The following TVP23C variants were observed in gnomAD, a reference collection of about 807,000 sequenced individuals.
TVP23C encodes Golgi apparatus membrane protein TVP23 homolog C.
TVP23C carries 19 observed loss-of-function variants against 28.7 expected under a neutral mutation model. The observed-to-expected ratio is 0.66, with a 90% CI of 0.46 to 0.97. The LOEUF (loss-of-function observed/expected upper bound fraction) is 0.97, where lower values mean the gene tolerates loss of function less well. TVP23C is among the 50% of genes least tolerant of loss of function. TVP23C has a pLI of 0.00. For missense variants in TVP23C, 186 were observed against 241.3 expected (o/e 0.77, Z 1.52); for synonymous variants, 68 against 81.7 (o/e 0.83, Z 0.90).
In TVP23C at chr17:15,525,098, A is replaced by G. The variant is rs1191359112; in HGVS notation, c.462+20687T>C. Among the ~76,000 whole-genome samples, 3 of 152,386 alleles carry G rather than the reference A, an allele frequency of 2.0e-5. No homozygotes were observed. In the East Asian group the frequency reaches 5.8e-4, roughly 29 times the overall value. ...GGAGCCCCAGAGAAAGTAATGTGTG[A>G]GTTGAACACACTGGAAATCTGTACC... On this transcript the variant is annotated intron_variant, in intron 5 of 5. Transcript: ENST00000225576.
chr17:15,535,609 A>T, downstream of TVP23C, among the ~76,000 whole-genome samples: 1 of 152,210 alleles, frequency 6.6e-6, no homozygotes, highest in Non-Finnish European at 1.5e-5. Flanking sequence ...CTAGGAGTGG[A>T]ATTTTACGTA....
intron 5 of TVP23C, among the ~76,000 whole-genome samples, chr17:15,542,429 G>T (rs897980736): frequency 7.9e-5 from 12 of 152,060 alleles, no homozygotes; most frequent in Middle Eastern, 3.2e-3. Flanking sequence ...GCCCATTCCC[G>T]TCCTGTGGTC....
At chr17:15,559,023 G>A (rs1270623105) in intron 1 of TVP23C, among the ~76,000 whole-genome samples, 1 of 123,630 alleles carries the variant, frequency 8.1e-6, no homozygotes, top group Non-Finnish European at 1.9e-5. Context: ...ATAGGGTCTC[G>A]TTATGTTGCC....
At chr17:15,524,578 G>A (rs191754104) in intron 5 of TVP23C, among the ~76,000 whole-genome samples, 3 of 152,174 alleles carry the variant, frequency 2.0e-5, no homozygotes, top group Admixed American at 2.0e-4. Context: ...TGAGGAAGGA[G>A]ATATGAAATC....
At chr17:15,543,382 A>G (rs1983505067) in intron 5 of TVP23C, among the ~76,000 whole-genome samples, 1 of 151,492 alleles carries the variant, frequency 6.6e-6, no homozygotes, top group African/African-American at 2.4e-5. Flanking sequence ...GCATTTATGC[A>G]AAACTATAGC....
chr17:15,525,811 G>C (rs535011525), intron 5 of TVP23C, among the ~76,000 whole-genome samples: 1 of 152,164 alleles, frequency 6.6e-6, no homozygotes, highest in Non-Finnish European at 1.5e-5. Context: ...GTAAGCCTAA[G>C]GCAGACTGTC....
At chr17:15,519,807 C>T (rs950140145) in intron 5 of TVP23C, among the ~76,000 whole-genome samples, 9 of 152,120 alleles carry the variant, frequency 5.9e-5, no homozygotes, top group African/African-American at 2.2e-4. Context: ...GAGGCTGAGG[C>T]AGGAGAATGG....
In TVP23C at chr17:15,525,723, T is replaced by A. The variant is rs1331324114; in HGVS notation, c.462+20062A>T. ...ACGCGTGTGCATGCGCCCACGTTCA[T>A]CTCTGGCACGAGACCCACATACAAA... On this transcript the variant is annotated intron_variant, in intron 5 of 5. Coordinates refer to the TVP23C transcript ENST00000225576. Among the ~76,000 whole-genome samples, 5 of 152,288 alleles carry A rather than the reference T, an allele frequency of 3.3e-5. No homozygotes were observed. The East Asian group carries it at 9.7e-4, about 29-fold the overall frequency.
intron 4 of TVP23C, 73 bp downstream of exon 4, chr17:15,546,986 T>A: frequency 1.6e-6 from 2 of 1,276,832 alleles, no homozygotes; most frequent in Non-Finnish European, 1.1e-6. Context: ...GAATACTTCA[T>A]CTTCCAGTAT....
intron 5 of TVP23C, chr17:15,507,252 G>A (rs1981794472): frequency 4.1e-6 from 3 of 738,740 alleles, no homozygotes; most frequent in South Asian, 2.7e-5. Flanking sequence ...CTCTGGCAAG[G>A]TGAGAGAAGG....
intron 5 of TVP23C, chr17:15,507,005 G>C: frequency 7.7e-7 from 1 of 1,302,466 alleles, no homozygotes. Flanking sequence ...AAAGGATTTG[G>C]TTATAAGGGT....
chr17:15,536,107 T>C (rs1983143384), downstream of TVP23C, among the ~76,000 whole-genome samples: 1 of 152,068 alleles, frequency 6.6e-6, no homozygotes, highest in Admixed American at 6.5e-5. Context: ...GGAGAATCAC[T>C]TGAACCCAGA....
chr17:15,526,428 G>A (rs1159533887), intron 5 of TVP23C, among the ~76,000 whole-genome samples: 1 of 152,202 alleles, frequency 6.6e-6, no homozygotes, highest in African/African-American at 2.4e-5. Flanking sequence ...AGGGTTTGCC[G>A]AGATCAGGAA....
At chr17:15,507,368 T>A (rs1354153190) in intron 5 of TVP23C, 4 of 697,344 alleles carry the variant, frequency 5.7e-6, no homozygotes, top group Non-Finnish European at 5.2e-6. Context: ...TCACTTACGC[T>A]TTATCTTAAC....
At chr17:15,531,742 T>G (rs1982957233) in intron 5 of TVP23C, among the ~76,000 whole-genome samples, 1 of 152,202 alleles carries the variant, frequency 6.6e-6, no homozygotes, top group Non-Finnish European at 1.5e-5. Flanking sequence ...AGATCTAATG[T>G]CTGGGTTTTC....
intron 5 of TVP23C, among the ~76,000 whole-genome samples, chr17:15,506,507 G>A (rs910775090): frequency 6.6e-6 from 1 of 152,216 alleles, no homozygotes; most frequent in African/African-American, 2.4e-5. Context: ...TGTGGGTGGG[G>A]CCAAATAAGA....
rs1312437741 is a variant in TVP23C, at chr17:15,563,424, C to G, written c.12+13G>C. On this transcript the variant is annotated intron_variant, in intron 1 of 5. Coordinates refer to ENST00000518321, the MANE Select transcript of TVP23C (RefSeq NM_001135036.2). Reference sequence around the variant, plus strand: ...GGAGCCGCCACCCTCCCAGCGCGCCCTCAGCCCCTCACCTGCTGCAACATG... The same window carrying G: ...GGAGCCGCCACCCTCCCAGCGCGCCGTCAGCCCCTCACCTGCTGCAACATG... The G allele has an allele frequency of 6.3e-7, 1 of 1,592,468 alleles. No individual in the cohort carries two copies. The highest frequency in any genetic ancestry group is 1.1e-5 in the South Asian group (1 of 87,502).
chr17:15,524,868 G>T (rs2150838326), intron 5 of TVP23C, among the ~76,000 whole-genome samples: 1 of 152,330 alleles, frequency 6.6e-6, no homozygotes, highest in Non-Finnish European at 1.5e-5. Context: ...TGAAACCTAA[G>T]AACAGACACA....
intron 5 of TVP23C, among the ~76,000 whole-genome samples, chr17:15,526,194 C>CT (rs1982721144): frequency 6.6e-6 from 1 of 152,136 alleles, no homozygotes; most frequent in Non-Finnish European, 1.5e-5. Flanking sequence ...AGAGATGCCT[C>CT]TTAAATGTAT....
Sources: gnomAD v4.1 joint callset for allele counts (sites outside exome capture counted in the v4.1 genomes callset) on GRCh38, gnomAD v4.1.1 for gene constraint, MANE v1.5 for transcripts, NCBI Gene and HGNC (gene_info 2026-07-23, HGNC 2026-07-21) for gene names.